F5: variants seen among roughly 807,000 people sequenced by gnomAD.
F5 encodes activated protein c cofactor.
Under a neutral mutation model 216.4 loss-of-function variants are expected in F5, and 138 were observed. That is an observed-to-expected ratio of 0.64 (90% confidence interval 0.56 to 0.73). F5 has a LOEUF of 0.73. Among genes scored for constraint, F5 ranks in the 30% least tolerant of loss-of-function variants. The probability of loss-of-function intolerance (pLI) is 0.00; values close to 1 mark genes in which losing one functional copy is unlikely to be tolerated. For missense variants in F5, 2,403 were observed against 2,674.0 expected (o/e 0.90, Z 2.24); for synonymous variants, 916 against 930.7 (o/e 0.98, Z 0.29).
Position 169,586,244 on chromosome 1 carries a change from T to C in F5, c.143A>G (p.Glu48Gly). Residue 48 changes from glutamate to glycine, a missense_variant, in exon 1 of 25, where the codon GAG (glutamate) becomes GGG (glycine). Glu to Gly is a moderately conservative substitution (Grantham distance 98, BLOSUM62 -2). This residue lies in a region of F5 where 1,425 missense variants were observed against 1,554.8 expected (regional missense o/e 0.92). Transcript: ENST00000367797. ...AQGISWSYRP[E>G]PTNSSLNLSV... ...CCTGAGTTACCTTGAGTTTGTGGGC[T>C]CAGGTCGGTAGCTCCAACTGATGCC... 1 of 1,614,142 alleles carries C rather than the reference T, an allele frequency of 6.2e-7. No individual in the cohort carries two copies. Among genetic ancestry groups the C allele is most frequent in the East Asian group, 2.2e-5 (1 of 44,878 alleles).
Position 169,536,500 on chromosome 1 carries a change from A to G in F5, c.4971+6T>C. 6.2e-7 allele frequency: 1 copy of G among 1,612,700 alleles called. No homozygotes were observed. The highest frequency in any genetic ancestry group is 1.3e-5 in the African/African-American group (1 of 75,000). ...CGAAGATCTTAGCAGTGCTCAAAAG[A>G]CTTACTTGGATAACATCATCCACTT... On this transcript the variant is annotated splice_donor_region_variant and intron_variant, in intron 14 of 24. Coordinates refer to ENST00000367797, the MANE Select transcript of F5 (RefSeq NM_000130.5).
intron 1 of F5, among the ~76,000 whole-genome samples, chr1:169,583,454 G>T (rs1418965035): frequency 6.6e-6 from 1 of 152,170 alleles, no homozygotes; most frequent in Non-Finnish European, 1.5e-5. Context: ...TGTGAATTCA[G>T]TATCTCTGGA....
chr1:169,571,191 T>C (rs1232968962), intron 3 of F5, among the ~76,000 whole-genome samples: 1 of 152,162 alleles, frequency 6.6e-6, no homozygotes. Context: ...ATCAGCATAA[T>C]GGGATAATTA....
intron 4 of F5, among the ~76,000 whole-genome samples, chr1:169,560,120 G>C (rs1660435277): frequency 1.3e-5 from 2 of 152,166 alleles, no homozygotes; most frequent in African/African-American, 2.4e-5. Context: ...AAGAAAGGAA[G>C]CTGGCATTTC....
intron 3 of F5, among the ~76,000 whole-genome samples, chr1:169,569,083 T>A (rs1291981297): frequency 2.0e-5 from 3 of 152,078 alleles, no homozygotes; most frequent in East Asian, 3.9e-4. Context: ...TTTTTGTGAT[T>A]TATTAAATAT....
At position 169,543,069 on chromosome 1, in the gene F5, T is replaced by G; in HGVS notation, c.2021A>C (p.Lys674Thr). The G allele has an allele frequency of 6.2e-7, 1 of 1,613,976 alleles. No individual in the cohort carries two copies. Among genetic ancestry groups the G allele is most frequent in the Non-Finnish European group, 8.5e-7 (1 of 1,179,950 alleles). Residue 674 changes from lysine to threonine, a missense_variant, in exon 13 of 25, where the codon AAG (lysine) becomes ACG (threonine). This residue lies in a region of F5 where 1,425 missense variants were observed against 1,554.8 expected (regional missense o/e 0.92). Coordinates refer to ENST00000367797, the MANE Select transcript of F5 (RefSeq NM_000130.5). ...AACATCCCTGAATTTCAGCCTCAGC[T>G]TTTTGCTTCTTGGACTAGAATTCAT... ...TSMNSSPRSKKLRLKFRDVKC... is the reference protein window; with the variant it reads ...TSMNSSPRSKTLRLKFRDVKC...
rs1428506311 is a variant in F5, at chr1:169,552,738, A to C, written c.1119-4T>G. On this transcript the variant is annotated splice_region_variant and splice_polypyrimidine_tract_variant and intron_variant, in intron 7 of 24. Coordinates refer to ENST00000367797, the MANE Select transcript of F5 (RefSeq NM_000130.5). ...CAAATGCTGAGACCTGTATTTTCTT[A>C]AAGTGAAGTAAAAAAAAATTAAACC... 1 of 1,605,358 alleles carries C rather than the reference A, an allele frequency of 6.2e-7. No homozygotes were observed. The highest frequency in any genetic ancestry group is 1.1e-5 in the South Asian group (1 of 90,788).
At chr1:169,577,593 A>ATATATATATATATATG (rs1317686206) in intron 2 of F5, among the ~76,000 whole-genome samples, 1 of 105,814 alleles carries the variant, frequency 9.5e-6, no homozygotes, top group Non-Finnish European at 1.8e-5. Context: ...ATATATATAT[A>ATATATATATATATATG]TATATATATA....
intron 3 of F5, among the ~76,000 whole-genome samples, chr1:169,563,625 TG>T (rs1188446553): frequency 1.6e-4 from 25 of 152,128 alleles, no homozygotes; most frequent in Admixed American, 1.4e-3. Context: ...GTTGTATTAG[TG>T]GTATCCTTCA....
chr1:169,572,073 A>C (rs1660736724), intron 3 of F5, 148 bp downstream of exon 3: 8 of 904,996 alleles, frequency 8.8e-6, no homozygotes, highest in African/African-American at 1.7e-5. Flanking sequence ...TCTTCTCTCA[A>C]AACTTACAAC....
chr1:169,546,560 A>G lies in F5; in HGVS notation c.1644T>C (p.Phe548=). The G allele has an allele frequency of 1.2e-6, 2 of 1,614,198 alleles. No homozygotes were observed. Among genetic ancestry groups the G allele is most frequent in the Non-Finnish European group, 1.7e-6 (2 of 1,180,010 alleles). ...RAADIEQQAV[F]AVFDENKSWY... is the part of the protein sequence containing the mutation. The stretch of plus-strand genomic sequence containing the variant: ...AGCTTTTGTTCTCATCAAACACAGC[A>G]AACACAGCCTGCTGTTCGATGTCTG... The change falls in exon 11 of 25, where the codon TTT becomes TTC. Residue 548 remains phenylalanine (F), a synonymous_variant. Coordinates refer to ENST00000367797, the MANE Select transcript of F5 (RefSeq NM_000130.5).
chr1:169,535,415 G>C (rs1036915333), intron 14 of F5, among the ~76,000 whole-genome samples: 1 of 152,104 alleles, frequency 6.6e-6, no homozygotes, highest in Non-Finnish European at 1.5e-5. Context: ...GTTGCTTTAG[G>C]AATGCAAGTG....
chr1:169,552,791 A>T, intron 7 of F5, 57 bp from the exon 8 acceptor site: 1 of 1,291,096 alleles, frequency 7.7e-7, no homozygotes, highest in Non-Finnish European at 1.1e-6. Context: ...TCTCGGTAGG[A>T]TGGGGAAACC....
In F5 at chr1:169,553,317, C is replaced by T. The variant is rs1005839489; in HGVS notation, c.1119-583G>A. 2.0e-5 allele frequency among the ~76,000 whole-genome samples: 3 copies of T among 152,296 alleles called. No individual in the cohort carries two copies. In the East Asian group the frequency reaches 5.8e-4, roughly 29 times the overall value. On this transcript the variant is annotated intron_variant, in intron 7 of 24. Coordinates refer to ENST00000367797, the MANE Select transcript of F5 (RefSeq NM_000130.5). ...AGAAACATGAACCACTTTTCCCCTG[C>T]CCTCTTTATTACCTTAGTTTGCAAA...
chr1:169,546,262 G>A (rs999989958), intron 11 of F5, among the ~76,000 whole-genome samples, 180 bp downstream of exon 11: 22 of 151,942 alleles, frequency 1.4e-4, no homozygotes, highest in Admixed American at 1.3e-3. Context: ...TTGACCTCTT[G>A]CTTAAAAATG....
chr1:169,515,846 T>C, intron 23 of F5: 1 of 554,600 alleles, frequency 1.8e-6, no homozygotes, highest in Non-Finnish European at 3.2e-6. Context: ...CTATAATTGT[T>C]TCCTTCTTAG....
intron 14 of F5, among the ~76,000 whole-genome samples, chr1:169,531,593 G>C (rs2101812138): frequency 6.6e-6 from 1 of 152,198 alleles, no homozygotes; most frequent in Admixed American, 6.5e-5. Flanking sequence ...ATGCCTGTGA[G>C]CAGGGGAGTA....
intron 1 of F5, among the ~76,000 whole-genome samples, chr1:169,584,295 T>C (rs548853970): frequency 6.6e-6 from 1 of 152,382 alleles, no homozygotes; most frequent in South Asian, 2.1e-4. Flanking sequence ...ATTAAAAAGT[T>C]ACAGATCATA....
chr1:169,540,882 G>A lies in F5; in HGVS notation c.4208C>T (p.Thr1403Ile), dbSNP rs1251729777. 6.2e-7 allele frequency: 1 copy of A among 1,611,514 alleles called. No individual in the cohort carries two copies. The change falls in exon 13 of 25, where the codon ACC (threonine) becomes ATC (isoleucine). Residue 1403 changes from threonine (T) to isoleucine (I), a missense_variant. Coordinates refer to ENST00000367797, the MANE Select transcript of F5 (RefSeq NM_000130.5). ...LFADLSQIPL[T>I]PDLDQMTLSP... ...AAGTGTCATCTGGTCGAGGTCTGGG[G>A]TAAGGGGAATTTGACTGAGATCTGC...
Sources: allele counts gnomAD v4.1 joint callset (sites outside exome capture counted in the v4.1 genomes callset), GRCh38; gene constraint gnomAD v4.1.1; regional missense constraint gnomAD v4.1.1; transcripts MANE v1.5; gene names NCBI Gene and HGNC (gene_info 2026-07-23, HGNC 2026-07-21).